The following CDH22 variants were observed in gnomAD, a reference collection of about 807,000 sequenced individuals.
CDH22 encodes cadherin 22, also known as cadherin-22.
CDH22 carries 30 observed loss-of-function variants against 58.4 expected under a neutral mutation model. That is an observed-to-expected ratio of 0.51 (90% CI 0.38 to 0.70). The LOEUF is 0.70. Among genes scored for constraint, CDH22 ranks in the 30% least tolerant of loss-of-function variants. The probability of loss-of-function intolerance (pLI) is 0.00; values close to 1 mark genes in which losing one functional copy is unlikely to be tolerated. For missense variants in CDH22, 1,014 were observed against 1,233.9 expected, an observed-to-expected ratio of 0.82 and a Z score of 2.67; for synonymous variants, 513 against 558.2, an observed-to-expected ratio of 0.92 and a Z score of 1.14.
rs2085787484 is a variant in CDH22, at chr20:46,181,744, C to CTTCCTTCCTTCCTTCG, written c.1664-3548_1664-3547insCGAAGGAAGGAAGGAA. Among the ~76,000 whole-genome samples, 13 of 30,752 alleles carry CTTCCTTCCTTCCTTCG rather than the reference C, an allele frequency of 4.2e-4. 1 individual carries two copies. The highest frequency in any genetic ancestry group is 9.9e-4 in the African/African-American group (11 of 11,122). 20.2% of individuals were successfully genotyped at this position (30,752 alleles called of 152,430 possible). The stretch of plus-strand genomic sequence containing the variant: ...CCTTCCTTCCTTCCTTCCTTCCTTC[C>CTTCCTTCCTTCCTTCG]TTCCTTCCTTCTTTCTTTCTTTCTT... On this transcript the variant is annotated intron_variant, in intron 10 of 11. Coordinates refer to ENST00000537909, the MANE Select transcript of CDH22 (RefSeq NM_021248.3).
chr20:46,256,072 C>T (rs895598086), intron 1 of CDH22, among the ~76,000 whole-genome samples: 2 of 152,156 alleles, frequency 1.3e-5, no homozygotes, highest in Non-Finnish European at 2.9e-5. Flanking sequence ...TGTGTGCGTG[C>T]GAACATGTGT....
chr20:46,195,982 G>A (rs1156762286), intron 8 of CDH22, among the ~76,000 whole-genome samples: 1 of 152,196 alleles, frequency 6.6e-6, no homozygotes, highest in Non-Finnish European at 1.5e-5. Context: ...AGCAGGTGGG[G>A]CCACCATGAC....
chr20:46,276,679 G>A (rs2086519084), intron 1 of CDH22, among the ~76,000 whole-genome samples: 2 of 152,226 alleles, frequency 1.3e-5, no homozygotes, highest in African/African-American at 2.4e-5. Flanking sequence ...CAGCATGCAG[G>A]TAGAGTCTAA....
rs371403198 is a variant in CDH22, at chr20:46,174,953, G to C, written c.2040C>G (p.Thr680=). 1.2e-6 allele frequency: 2 copies of C among 1,600,962 alleles called. No individual in the cohort carries two copies. The highest frequency in any genetic ancestry group is 2.2e-5 in the South Asian group (2 of 90,760). Residue 680 remains threonine (T), a synonymous_variant, in exon 12 of 12, where the codon ACC becomes ACG. Coordinates refer to ENST00000537909, the MANE Select transcript of CDH22 (RefSeq NM_021248.3). This position sits in a 1 kb window ranked among gnomAD's most constrained non-coding sequence, Gnocchi z 4.4. ...YNDEGGGEQD[T]EAYDMSALRS... is the part of the protein sequence containing the mutation. ...GCAGCGCCGACATGTCGTAGGCTTC[G>C]GTGTCCTGCTCGCCGCCGCCTTCGT...
At chr20:46,263,265 T>C (rs1220973263) in intron 1 of CDH22, among the ~76,000 whole-genome samples, 1 of 152,216 alleles carries the variant, frequency 6.6e-6, no homozygotes. Context: ...GTTACTGCTG[T>C]ACCCCATCCC....
At chr20:46,197,295 G>GATATATATATATAT (rs34730995) in intron 8 of CDH22, among the ~76,000 whole-genome samples, 98 of 141,992 alleles carry the variant, frequency 6.9e-4, no homozygotes, top group Non-Finnish European at 1.0e-3. Flanking sequence ...TCTAGGCCAG[G>GATATATATATATAT]ATATATATAT....
At position 46,268,693 on chromosome 20, in the gene CDH22, C is replaced by A. The variant is rs569767881; in HGVS notation, c.-399-17000G>T. ...CTCCTAGGATGGGAGAGGGGAGAGG[C>A]CAGAGATGGCAGGAATGGGCTTCAG... is the stretch of plus-strand genomic sequence containing the variant. On this transcript the variant is annotated intron_variant, in intron 1 of 11. Transcript: ENST00000537909. 4.6e-5 allele frequency among the ~76,000 whole-genome samples: 7 copies of A among 152,328 alleles called. No individual in the cohort carries two copies. The South Asian group carries it at 8.3e-4, about 18-fold the overall frequency.
intron 1 of CDH22, among the ~76,000 whole-genome samples, chr20:46,288,436 C>T (rs990115470): frequency 1.3e-5 from 2 of 152,276 alleles, no homozygotes; most frequent in South Asian, 2.1e-4. Context: ...CCACATGTAA[C>T]CCCGCAGCTT....
intron 1 of CDH22, among the ~76,000 whole-genome samples, chr20:46,264,057 G>A (rs1217496095): frequency 2.0e-5 from 3 of 152,124 alleles, no homozygotes; most frequent in South Asian, 4.2e-4. Context: ...TGTAGCGGAC[G>A]AGGGAGGGAG....
intron 1 of CDH22, among the ~76,000 whole-genome samples, chr20:46,260,284 AC>A (rs2086426946): frequency 6.6e-6 from 1 of 152,226 alleles, no homozygotes; most frequent in African/African-American, 2.4e-5. Context: ...AAAGAGGCCT[AC>A]TAAGAAAAGA....
In CDH22 at chr20:46,174,694, A is replaced by G. The variant is rs749887165; in HGVS notation, c.2299T>C (p.Tyr767His). Reference protein sequence around the residue: ...LADGDLSVPPYDAFQTYAFEG... With the variant: ...LADGDLSVPPHDAFQTYAFEG... ...AAGGCGTAGGTCTGGAAGGCGTCGTAGGGCGGCACCGACAGGTCCCCGTCC... is the reference window on the plus strand; with the variant it reads ...AAGGCGTAGGTCTGGAAGGCGTCGTGGGGCGGCACCGACAGGTCCCCGTCC... The change falls in exon 12 of 12, where the codon TAC becomes CAC. Residue 767 changes from tyrosine to histidine, a missense_variant. This residue lies in a region of CDH22 where 208 missense variants were observed against 195.2 expected (regional missense o/e 1.07). Transcript: ENST00000537909. The surrounding 1 kb of genome is among the most constrained non-coding windows in gnomAD (Gnocchi z 4.4). 4.5e-6 allele frequency: 7 copies of G among 1,558,996 alleles called. No individual in the cohort carries two copies. In the African/African-American group the frequency reaches 6.7e-5, roughly 15 times the overall value.
At chr20:46,250,650 T>A (rs2086364652) in intron 2 of CDH22, among the ~76,000 whole-genome samples, 1 of 152,182 alleles carries the variant, frequency 6.6e-6, no homozygotes, top group African/African-American at 2.4e-5. Context: ...GCCAGATCTT[T>A]GTAGTCAATG....
chr20:46,198,986 A>T (rs887945527), intron 8 of CDH22, among the ~76,000 whole-genome samples: 9 of 151,984 alleles, frequency 5.9e-5, no homozygotes, highest in Non-Finnish European at 1.3e-4. Context: ...ATCACCTGAC[A>T]TATTATGTCC....
chr20:46,199,421 A>G lies in CDH22; in HGVS notation c.1423+2T>C. On this transcript the variant is annotated splice_donor_variant, in intron 8 of 11. Coordinates refer to ENST00000537909, the MANE Select transcript of CDH22 (RefSeq NM_021248.3). LOFTEE classifies it high-confidence loss of function. ...TTGGAGGGGGCGTGGCGCCCAGCTCACCCGCCTCCATGGCCAGCACTGTGA... is the reference window on the plus strand; with the variant it reads ...TTGGAGGGGGCGTGGCGCCCAGCTCGCCCGCCTCCATGGCCAGCACTGTGA... 1.2e-6 allele frequency: 2 copies of G among 1,602,540 alleles called. No individual in the cohort carries two copies. Among genetic ancestry groups the G allele is most frequent in the Non-Finnish European group, 1.7e-6 (2 of 1,177,170 alleles).
intron 2 of CDH22, among the ~76,000 whole-genome samples, chr20:46,250,646 T>C (rs1156784143): frequency 6.6e-6 from 1 of 152,168 alleles, no homozygotes; most frequent in Non-Finnish European, 1.5e-5. Context: ...AGGAGCCAGA[T>C]CTTTGTAGTC....
intron 3 of CDH22, among the ~76,000 whole-genome samples, chr20:46,238,055 T>C: frequency 6.6e-6 from 1 of 152,104 alleles, no homozygotes; most frequent in East Asian, 1.9e-4. Context: ...CACCTCCCCA[T>C]CCTCAGCCCT....
At chr20:46,280,776 G>A (rs2086547307) in intron 1 of CDH22, among the ~76,000 whole-genome samples, 1 of 152,228 alleles carries the variant, frequency 6.6e-6, no homozygotes, top group South Asian at 2.1e-4. Flanking sequence ...GCAGGTTGCT[G>A]CGGGCAAAAT....
At position 46,251,202 on chromosome 20, in the gene CDH22, C is replaced by T. The variant is rs1386333129; in HGVS notation, c.93G>A (p.Thr31=). Residue 31 remains threonine, a synonymous_variant, in exon 2 of 12, where the codon ACG becomes ACA. Transcript: ENST00000537909. The surrounding 1 kb of genome is among the most constrained non-coding windows in gnomAD (Gnocchi z 6.7). ...LLLLLLPPPP[T]LLGRLWAAGT... ...CCGCTGCCCACAGGCGCCCCAGCAG[C>T]GTCGGCGGCGGCGGCAGCAGCAGCA... 1.1e-5 allele frequency: 16 copies of T among 1,470,752 alleles called. No homozygotes were observed. Among genetic ancestry groups the T allele is most frequent in the Non-Finnish European group, 1.4e-5 (16 of 1,112,548 alleles). 91.1% of individuals were successfully genotyped at this position (1,470,752 alleles called of 1,614,324 possible). A position where few individuals can be genotyped will look rare whatever the true frequency, so the allele number is the denominator to read the frequency against.
chr20:46,179,557 G>A (rs2085769918), intron 10 of CDH22, among the ~76,000 whole-genome samples: 3 of 152,308 alleles, frequency 2.0e-5, no homozygotes, highest in South Asian at 2.1e-4. Context: ...GGCTGCCCAC[G>A]AGGTGCCGGG....
Sources: gnomAD v4.1 joint callset for allele counts (sites outside exome capture counted in the v4.1 genomes callset) on GRCh38, gnomAD v4.1.1 for gene constraint, gnomAD v4.1.1 regional missense constraint, Gnocchi (gnomAD v3.1) non-coding constraint, MANE v1.5 for transcripts, NCBI Gene and HGNC (gene_info 2026-07-23, HGNC 2026-07-21) for gene names.